RCAN2: variants seen among roughly 807,000 people sequenced by gnomAD.
RCAN2 encodes the protein regulator of calcineurin 2.
In RCAN2, 9 loss-of-function variants were observed where a neutral mutation model predicts 23.6. The ratio of observed to expected loss-of-function variants is 0.38; its 90% CI spans 0.23 to 0.67. RCAN2 has a LOEUF of 0.67. Ranked by LOEUF, RCAN2 falls within the 30% of genes least tolerant of loss-of-function variation. The pLI is 0.51. For synonymous variants in RCAN2, 109 were observed against 115.7 expected, an observed-to-expected ratio of 0.94 and a Z score of 0.37; for missense variants, 273 against 302.3, an observed-to-expected ratio of 0.90 and a Z score of 0.72.
chr6:46,297,100 T>C (rs373069974), intron 2 of RCAN2, among the ~76,000 whole-genome samples: 76 of 152,284 alleles, frequency 5.0e-4, no homozygotes, highest in African/African-American at 1.6e-3. Flanking sequence ...GTACTACTTA[T>C]AGTGTCCCTT....
chr6:46,275,112 G>A (rs1582053979), intron 2 of RCAN2, among the ~76,000 whole-genome samples: 5 of 151,534 alleles, frequency 3.3e-5, no homozygotes, highest in Admixed American at 2.6e-4. Flanking sequence ...TTTATTTTTC[G>A]AGACAGGTCT....
intron 2 of RCAN2, among the ~76,000 whole-genome samples, chr6:46,366,357 C>G (rs1391167542): frequency 6.6e-6 from 1 of 152,142 alleles, no homozygotes; most frequent in Non-Finnish European, 1.5e-5. Context: ...CTTCCTGACA[C>G]TGTAAGAAGA....
chr6:46,307,199 G>A (rs1235677232), intron 2 of RCAN2, among the ~76,000 whole-genome samples: 1 of 152,166 alleles, frequency 6.6e-6, no homozygotes, highest in East Asian at 1.9e-4. Flanking sequence ...AAACAAACAT[G>A]AAGAAGACAG....
chr6:46,273,119 T>G (rs1767570951), intron 2 of RCAN2, among the ~76,000 whole-genome samples: 1 of 152,220 alleles, frequency 6.6e-6, no homozygotes, highest in South Asian at 2.1e-4. Context: ...GTATTTTGAA[T>G]TTCAGGAGTT....
At chr6:46,272,613 T>C (rs1042959878) in intron 2 of RCAN2, among the ~76,000 whole-genome samples, 11 of 152,208 alleles carry the variant, frequency 7.2e-5, no homozygotes, top group Non-Finnish European at 1.5e-4. Flanking sequence ...AAAAGATACA[T>C]CAAAATGTTA....
At chr6:46,484,087 A>T (rs1307031913) in intron 1 of RCAN2, among the ~76,000 whole-genome samples, 1 of 152,234 alleles carries the variant, frequency 6.6e-6, no homozygotes, top group Non-Finnish European at 1.5e-5. Flanking sequence ...TTTAGCTTTA[A>T]CAGTTACAGA....
At chr6:46,421,127 G>T (rs1043350455) in intron 2 of RCAN2, among the ~76,000 whole-genome samples, 1 of 152,184 alleles carries the variant, frequency 6.6e-6, no homozygotes, top group African/African-American at 2.4e-5. Flanking sequence ...CCAGCATTGA[G>T]CAAGTGCCAG....
chr6:46,448,859 C>CA (rs1419766524), intron 2 of RCAN2, among the ~76,000 whole-genome samples: 1 of 151,796 alleles, frequency 6.6e-6, no homozygotes, highest in Non-Finnish European at 1.5e-5. Context: ...ATAACAAACT[C>CA]ACAGCTGACA....
chr6:46,368,227 A>T (rs1370828916), intron 2 of RCAN2, among the ~76,000 whole-genome samples: 1 of 152,226 alleles, frequency 6.6e-6, no homozygotes, highest in Admixed American at 6.5e-5. Context: ...CTTCTTAGAC[A>T]TACTTTTCTG....
chr6:46,390,793 T>C (rs1319716944), intron 2 of RCAN2, among the ~76,000 whole-genome samples: 2 of 152,210 alleles, frequency 1.3e-5, no homozygotes, highest in Admixed American at 6.5e-5. Context: ...AGAGCCATTT[T>C]TGAAGTATAT....
At chr6:46,301,029 C>T (rs533656528) in intron 2 of RCAN2, among the ~76,000 whole-genome samples, 12 of 151,662 alleles carry the variant, frequency 7.9e-5, no homozygotes, top group Admixed American at 1.3e-4. Flanking sequence ...AAAAAATCAG[C>T]GTGGGAAAAC....
At chr6:46,266,882 C>T (rs1767348462) in intron 2 of RCAN2, among the ~76,000 whole-genome samples, 1 of 152,216 alleles carries the variant, frequency 6.6e-6, no homozygotes, top group East Asian at 1.9e-4. Context: ...GGAGGCAGAC[C>T]TGCATAGAAC....
At chr6:46,412,976 G>A (rs1225972897) in intron 2 of RCAN2, among the ~76,000 whole-genome samples, 1 of 152,084 alleles carries the variant, frequency 6.6e-6, no homozygotes, top group Non-Finnish European at 1.5e-5. Flanking sequence ...ACAATCCCTT[G>A]GCTTTGTGTT....
chr6:46,426,395 T>C (rs1767033630), intron 2 of RCAN2, among the ~76,000 whole-genome samples: 1 of 152,244 alleles, frequency 6.6e-6, no homozygotes, highest in Non-Finnish European at 1.5e-5. Flanking sequence ...AAAATTATTA[T>C]TAAAGACACA....
At chr6:46,421,555 G>A (rs1766890496) in intron 2 of RCAN2, among the ~76,000 whole-genome samples, 1 of 152,186 alleles carries the variant, frequency 6.6e-6, no homozygotes, top group Non-Finnish European at 1.5e-5. Context: ...GTTGGGAGAT[G>A]TCGCAACTCA....
intron 4 of RCAN2, among the ~76,000 whole-genome samples, chr6:46,241,351 A>G (rs918757471): frequency 1.3e-5 from 2 of 152,218 alleles, no homozygotes; most frequent in Admixed American, 6.5e-5. Context: ...TGTCTAGGTC[A>G]CTGTTAAACT....
At chr6:46,383,211 G>A (rs976422830) in intron 2 of RCAN2, among the ~76,000 whole-genome samples, 5 of 148,812 alleles carry the variant, frequency 3.4e-5, no homozygotes, top group Non-Finnish European at 7.5e-5. Flanking sequence ...GTGTGTGTAC[G>A]TGTGTATGGT....
chr6:46,457,672 A>C (rs1294282683), intron 1 of RCAN2, among the ~76,000 whole-genome samples: 1 of 152,168 alleles, frequency 6.6e-6, no homozygotes, highest in Non-Finnish European at 1.5e-5. Flanking sequence ...CCACACACAC[A>C]CACCTCCCAG....
chr6:46,297,771 T>C (rs2150349152), intron 2 of RCAN2, among the ~76,000 whole-genome samples: 1 of 152,254 alleles, frequency 6.6e-6, no homozygotes, highest in East Asian at 1.9e-4. Context: ...GACAGAGAAT[T>C]GTGTCACATT....
Sources: allele counts gnomAD v4.1 joint callset (sites outside exome capture counted in the v4.1 genomes callset), GRCh38; gene constraint gnomAD v4.1.1; transcripts MANE v1.5; gene names NCBI Gene and HGNC (gene_info 2026-07-23, HGNC 2026-07-21).